EFNA5: variants seen among roughly 807,000 people sequenced by gnomAD.
EFNA5 encodes the protein ephrin A5.
EFNA5 carries 5 observed loss-of-function variants against 22.9 expected under a neutral mutation model. The ratio of observed to expected loss-of-function variants is 0.22; its 90% CI spans 0.11 to 0.46. The LOEUF is 0.46. Among genes scored for constraint, EFNA5 ranks in the 20% least tolerant of loss-of-function variants. EFNA5 has a pLI of 0.99. For missense variants in EFNA5, 237 were observed against 293.3 expected, an observed-to-expected ratio of 0.81 and a Z score of 1.40; for synonymous variants, 113 against 112.2, an observed-to-expected ratio of 1.01 and a Z score of -0.04.
At chr5:107,551,274 G>C (rs1414930197) in intron 1 of EFNA5, among the ~76,000 whole-genome samples, 2 of 152,180 alleles carry the variant, frequency 1.3e-5, no homozygotes, top group African/African-American at 4.8e-5. Flanking sequence ...TCTAAGTCAA[G>C]GGTCTGCCAG....
chr5:107,645,196 T>A (rs1285249482), intron 1 of EFNA5, among the ~76,000 whole-genome samples: 17 of 152,190 alleles, frequency 1.1e-4, no homozygotes, highest in Admixed American at 1.0e-3. Flanking sequence ...AGACATGGGT[T>A]AAATACATCC....
intron 1 of EFNA5, among the ~76,000 whole-genome samples, chr5:107,440,496 T>C (rs1419038293): frequency 6.6e-6 from 1 of 152,222 alleles, no homozygotes; most frequent in Non-Finnish European, 1.5e-5. Flanking sequence ...TTGTGTGGAC[T>C]GCAAGGTTTC....
intron 4 of EFNA5, among the ~76,000 whole-genome samples, chr5:107,385,991 T>C (rs1281832953): frequency 6.6e-6 from 1 of 151,938 alleles, no homozygotes; most frequent in Non-Finnish European, 1.5e-5. Flanking sequence ...TCCTGTCAGT[T>C]TTAACAGGAA....
chr5:107,527,290 C>CA (rs1747714064), intron 1 of EFNA5, among the ~76,000 whole-genome samples: 1 of 142,422 alleles, frequency 7.0e-6, no homozygotes, highest in Non-Finnish European at 1.5e-5. Context: ...TTTCTTTTTT[C>CA]TTTTTTTTTT....
At chr5:107,528,883 G>T (rs116522454) in intron 1 of EFNA5, among the ~76,000 whole-genome samples, 2,187 of 152,200 alleles carry the variant, frequency 0.014, 55 homozygotes, top group African/African-American at 0.049. Context: ...ACCCATGAGT[G>T]GTTAGAAGCT....
chr5:107,504,300 T>G (rs948981733), intron 1 of EFNA5, among the ~76,000 whole-genome samples: 2 of 152,152 alleles, frequency 1.3e-5, no homozygotes, highest in African/African-American at 4.8e-5. Flanking sequence ...AGTAACTGAC[T>G]TGAAATGAAA....
At chr5:107,433,980 T>A (rs1028447745) in intron 1 of EFNA5, among the ~76,000 whole-genome samples, 1 of 152,084 alleles carries the variant, frequency 6.6e-6, no homozygotes, top group Non-Finnish European at 1.5e-5. Flanking sequence ...AGAATTCAGA[T>A]GAAATAAAGA....
chr5:107,478,280 G>A (rs749829708), intron 1 of EFNA5, among the ~76,000 whole-genome samples: 2 of 152,146 alleles, frequency 1.3e-5, no homozygotes, highest in African/African-American at 2.4e-5. Context: ...AGACCTAGGC[G>A]AGTAATATTC....
At chr5:107,577,736 T>A (rs113340172) in intron 1 of EFNA5, among the ~76,000 whole-genome samples, 4,172 of 152,288 alleles carry the variant, frequency 0.027, 85 homozygotes, top group Non-Finnish European at 0.042. Context: ...AGCCTCACCA[T>A]CGGATTCCAC....
intron 1 of EFNA5, among the ~76,000 whole-genome samples, chr5:107,547,977 A>T (rs342603): frequency 0.59 from 89,476 of 152,078 alleles, 26,438 homozygotes; most frequent in Middle Eastern, 0.7. Flanking sequence ...AGTAAGCTCA[A>T]ATTCCTAAGA....
intron 1 of EFNA5, among the ~76,000 whole-genome samples, chr5:107,485,488 T>TC (rs1746592652): frequency 6.6e-6 from 1 of 152,154 alleles, no homozygotes; most frequent in African/African-American, 2.4e-5. Context: ...TCTCTCTCTC[T>TC]TTTTTTCTCT....
At chr5:107,635,255 T>C (rs1378562205) in intron 1 of EFNA5, among the ~76,000 whole-genome samples, 3 of 152,268 alleles carry the variant, frequency 2.0e-5, no homozygotes. Flanking sequence ...TTTACTTTAA[T>C]GTATAACTGC....
intron 1 of EFNA5, among the ~76,000 whole-genome samples, chr5:107,445,125 T>C (rs1305114886): frequency 1.3e-5 from 2 of 152,060 alleles, no homozygotes; most frequent in Admixed American, 6.6e-5. Flanking sequence ...TGAGTTCAAG[T>C]GATTTTTGTG....
intron 1 of EFNA5, among the ~76,000 whole-genome samples, chr5:107,590,717 G>A (rs6892545): frequency 6.6e-6 from 1 of 152,004 alleles, no homozygotes; most frequent in Non-Finnish European, 1.5e-5. Flanking sequence ...TTATCTTAAA[G>A]GTAAATGGTG....
intron 1 of EFNA5, among the ~76,000 whole-genome samples, chr5:107,635,615 C>T (rs1194368496): frequency 6.6e-6 from 1 of 152,198 alleles, no homozygotes; most frequent in Non-Finnish European, 1.5e-5. Context: ...TGAAACTATC[C>T]TTTTAAGGCA....
intron 1 of EFNA5, among the ~76,000 whole-genome samples, chr5:107,509,358 G>A (rs540194616): frequency 2.7e-5 from 4 of 148,712 alleles, no homozygotes; most frequent in South Asian, 4.2e-4. Context: ...TCACCCTGTC[G>A]CCCAGGCTGC....
intron 1 of EFNA5, among the ~76,000 whole-genome samples, chr5:107,581,977 A>C (rs958410044): frequency 6.6e-6 from 1 of 152,216 alleles, no homozygotes; most frequent in East Asian, 1.9e-4. Context: ...TCAAACTTCT[A>C]TCTCTACAAA....
intron 1 of EFNA5, among the ~76,000 whole-genome samples, chr5:107,463,500 T>C (rs1343720015): frequency 6.6e-6 from 1 of 152,110 alleles, no homozygotes; most frequent in Non-Finnish European, 1.5e-5. Context: ...ATTTTTCCAA[T>C]AAAAACTAGA....
chr5:107,549,741 A>G (rs341274), intron 1 of EFNA5, among the ~76,000 whole-genome samples: 120,058 of 152,254 alleles, frequency 0.79, 47,716 homozygotes, highest in African/African-American at 0.9. Context: ...ATGTCCCTGT[A>G]AGAGTCCTGG....
Sources: gnomAD v4.1 joint callset for allele counts (sites outside exome capture counted in the v4.1 genomes callset) on GRCh38, gnomAD v4.1.1 for gene constraint, MANE v1.5 for transcripts, NCBI Gene and HGNC (gene_info 2026-07-23, HGNC 2026-07-21) for gene names.